Variants in SYNC observed in about 807,000 individuals in gnomAD.
SYNC encodes the protein syncoilin.
In SYNC, 38 loss-of-function variants were observed where a neutral mutation model predicts 49.5. The ratio of observed to expected loss-of-function variants is 0.77; its 90% CI spans 0.59 to 1.01. SYNC has a LOEUF of 1.01. Among genes scored for constraint, SYNC ranks in the 50% least tolerant of loss-of-function variants. The pLI is 0.00. For missense variants in SYNC, 579 were observed against 580.6 expected, an observed-to-expected ratio of 1.00 and a Z score of 0.03; for synonymous variants, 201 against 230.8, an observed-to-expected ratio of 0.87 and a Z score of 1.17.
rs141516125 is a variant in SYNC, at chr1:32,702,584, G to C, written c.53+24C>G. The C allele has an allele frequency of 2.7e-3, 3,226 of 1,216,674 alleles. 49 individuals are homozygous for C. The East Asian group carries it at 0.037, about 14-fold the overall frequency. 75.4% of individuals were successfully genotyped at this position (1,216,674 alleles called of 1,614,324 possible). ...AGCACCCCTTCCCCAGCGGGGCGGC[G>C]ACGCGGGCCCGGCACTGTCCTACCT... On this transcript the variant is annotated intron_variant, in intron 1 of 4. Coordinates refer to ENST00000409190, the MANE Select transcript of SYNC (RefSeq NM_030786.3). The surrounding 1 kb of genome is among the most constrained non-coding windows in gnomAD (Gnocchi z 6.2).
Position 32,684,551 on chromosome 1 carries a change from G to GA in SYNC, c.1234-170dup, listed in dbSNP as rs983248677. On this transcript the variant is annotated intron_variant, in intron 2 of 4. Coordinates refer to ENST00000409190, the MANE Select transcript of SYNC (RefSeq NM_030786.3). ...ACAGGTTCAAAGAAGTTGTGTCTTGGAAAAAAAGTGACAATGCTTTTGAAA... is the reference window on the plus strand; with the variant it reads ...ACAGGTTCAAAGAAGTTGTGTCTTGGAAAAAAAAGTGACAATGCTTTTGAAA... 108 of 943,900 alleles carry GA rather than the reference G, an allele frequency of 1.1e-4. No homozygotes were observed. The African/African-American group carries it at 1.3e-3, about 12-fold the overall frequency. The allele number at this position is 943,900 out of a possible 1,614,324, so 58.5% of individuals were successfully genotyped here.
chr1:32,692,388 CTT>C (rs35230224), intron 2 of SYNC, among the ~76,000 whole-genome samples: 1 of 152,126 alleles, frequency 6.6e-6, no homozygotes, highest in Non-Finnish European at 1.5e-5. Flanking sequence ...AAATAAATGA[CTT>C]TTCACTAGAC....
At chr1:32,701,891 C>T (rs1305553688) in intron 1 of SYNC, among the ~76,000 whole-genome samples, 2 of 152,184 alleles carry the variant, frequency 1.3e-5, no homozygotes, top group African/African-American at 4.8e-5. Context: ...GTGTGGACAG[C>T]AGTATGGGTG....
At chr1:32,702,804 G>C (rs978418609), upstream of SYNC, 6 of 638,624 alleles carry the variant, frequency 9.4e-6, no homozygotes, top group African/African-American at 7.9e-5. This position sits in a 1 kb window ranked among gnomAD's most constrained non-coding sequence, Gnocchi z 6.2. Context: ...CCACTTGGCC[G>C]GGGCTCCTGC....
chr1:32,692,416 T>A (rs1017475256), intron 2 of SYNC, among the ~76,000 whole-genome samples: 3 of 152,102 alleles, frequency 2.0e-5, no homozygotes, highest in Admixed American at 6.6e-5. Flanking sequence ...ACCAATTTTT[T>A]AAAAAATAGG....
intron 2 of SYNC, among the ~76,000 whole-genome samples, chr1:32,693,374 C>T (rs930577176): frequency 5.9e-5 from 9 of 152,160 alleles, no homozygotes; most frequent in African/African-American, 2.4e-5. Context: ...CGTGAGCCAC[C>T]GCTCCCAGAC....
At chr1:32,688,357 A>G (rs1649993984) in intron 2 of SYNC, among the ~76,000 whole-genome samples, 1 of 152,256 alleles carries the variant, frequency 6.6e-6, no homozygotes, top group South Asian at 2.1e-4. Context: ...AAGAACTTCA[A>G]GTACATACTA....
upstream of SYNC, chr1:32,703,002 G>A (rs966622407): frequency 2.6e-5 from 4 of 154,210 alleles, no homozygotes; most frequent in African/African-American, 9.6e-5. Flanking sequence ...AGTCAGAAGG[G>A]GGGTCTGAAG....
chr1:32,698,965 A>C (rs1314532605), intron 1 of SYNC, among the ~76,000 whole-genome samples: 1 of 150,896 alleles, frequency 6.6e-6, no homozygotes, highest in Non-Finnish European at 1.5e-5. Context: ...CTTTTTGTAG[A>C]GATGAAGTCT....
At chr1:32,693,067 T>G (rs965054617) in intron 2 of SYNC, among the ~76,000 whole-genome samples, 31 of 135,700 alleles carry the variant, frequency 2.3e-4, no homozygotes, top group Non-Finnish European at 3.1e-4. Context: ...AACCACAGTG[T>G]TTTTTTTTTG....
rs1209342528 is a variant in SYNC at position 32,696,030 on chromosome 1, T to C, written c.68A>G (p.Glu23Gly). ...GTTCTTTGGAAGAGGAGAATTGGCC[T>C]CTACTCTTGTTTTCCTGCAAAAGAA... ...AAQAARKTRVEANSPLPKNSG... is the reference protein window; with the variant it reads ...AAQAARKTRVGANSPLPKNSG... Residue 23 changes from glutamate to glycine, a missense_variant, in exon 2 of 5, where the codon GAG becomes GGG. Glu to Gly is a moderately conservative substitution (Grantham distance 98, BLOSUM62 -2). Coordinates refer to ENST00000409190, the MANE Select transcript of SYNC (RefSeq NM_030786.3). 6.5e-7 allele frequency: 1 copy of C among 1,535,062 alleles called. No homozygotes were observed. The highest frequency in any genetic ancestry group is 1.2e-5 in the South Asian group (1 of 83,918).
rs1183625402 is a variant in SYNC, at chr1:32,691,211, CCTT to C, written c.1233+3651_1233+3653del. On this transcript the variant is annotated intron_variant, in intron 2 of 4. Transcript: ENST00000409190. ...CCAGCCTGGGTGACAGAGCGAGACT[CCTT>C]CTCAAAAAACAAAAAAAAACAACAA... 4.1e-5 allele frequency among the ~76,000 whole-genome samples: 6 copies of C among 146,352 alleles called. No individual in the cohort carries two copies. In the East Asian group the frequency reaches 6.4e-4, roughly 16 times the overall value.
Position 32,695,749 on chromosome 1 carries a change from G to C in SYNC, c.349C>G (p.Arg117Gly). 1 of 1,551,476 alleles carries C rather than the reference G, an allele frequency of 6.4e-7. No individual in the cohort carries two copies. Among genetic ancestry groups the C allele is most frequent in the South Asian group, 1.2e-5 (1 of 84,036 alleles). The change falls in exon 2 of 5, where the codon CGG (arginine) becomes GGG (glycine). Residue 117 changes from arginine (R) to glycine (G), a missense_variant. Transcript: ENST00000409190. ...ACGGGCCCCTCCACAAACTGTATCC[G>C]ATCTGGCTCCGTGGTTTCCTCCACA... is the stretch of plus-strand genomic sequence containing the variant. ...VCVEETTEPD[R>G]IQFVEGPVEP...
Position 32,681,698 on chromosome 1 carries a change from G to A in SYNC, c.*152C>T, listed in dbSNP as rs1649447150. The A allele has an allele frequency of 8.3e-7, 1 of 1,198,434 alleles. No homozygotes were observed. The highest frequency in any genetic ancestry group is 1.5e-5 in the African/African-American group (1 of 65,948). 74.2% of individuals were successfully genotyped at this position (1,198,434 alleles called of 1,614,324 possible). A position where few individuals can be genotyped will look rare whatever the true frequency, so the allele number is the denominator to read the frequency against. ...CCAACTCTAGAATCTTTTTAAGCAG[G>A]TCAGCCAGTATTTGCAACTTCCACA... On this transcript the variant is annotated 3_prime_UTR_variant, in exon 5 of 5. Coordinates refer to ENST00000409190, the MANE Select transcript of SYNC (RefSeq NM_030786.3).
Position 32,702,628 on chromosome 1 carries a change from G to A in SYNC, c.33C>T (p.Asp11=), listed in dbSNP as rs1244605029. The A allele has an allele frequency of 1.3e-5, 16 of 1,216,554 alleles. No individual in the cohort carries two copies. The highest frequency in any genetic ancestry group is 1.6e-5 in the African/African-American group (1 of 63,388). The allele number at this position is 1,216,554 out of a possible 1,614,324, so 75.4% of individuals were successfully genotyped here. Residue 11 remains aspartate, a synonymous_variant, in exon 1 of 5, where the codon GAC becomes GAT. Transcript: ENST00000409190. This position sits in a 1 kb window ranked among gnomAD's most constrained non-coding sequence, Gnocchi z 6.2. ...CCTACCTCGCGGCCTGGGCGGCGCC[G>A]TCCCCGCCGCGCCGGGGCTCCGGGC... is the stretch of plus-strand genomic sequence containing the variant. MASPEPRRGG[D]GAAQAARKTR...
At chr1:32,688,310 C>G (rs1649990609) in intron 2 of SYNC, among the ~76,000 whole-genome samples, 1 of 152,116 alleles carries the variant, frequency 6.6e-6, no homozygotes, top group African/African-American at 2.4e-5. Context: ...ATACCTAACT[C>G]ATAGAGATGT....
Position 32,684,326 on chromosome 1 carries a change from G to A in SYNC, c.1290C>T (p.Leu430=). The change falls in exon 3 of 5, where the codon CTC becomes CTT. Residue 430 remains leucine (L), a synonymous_variant. Transcript: ENST00000409190. ...CCATCTCTTTGTTCTTCTGTTGCTGGAGTTGCACCCCATTTCTTAACTGCC... is the reference window on the plus strand; with the variant it reads ...CCATCTCTTTGTTCTTCTGTTGCTGAAGTTGCACCCCATTTCTTAACTGCC... ...RQRQLRNGVQ[L]QQQKNKEMEQ... 6.2e-7 allele frequency: 1 copy of A among 1,614,120 alleles called. No homozygotes were observed. The highest frequency in any genetic ancestry group is 8.5e-7 in the Non-Finnish European group (1 of 1,180,018).
At chr1:32,694,489 C>T (rs775013591) in intron 2 of SYNC, among the ~76,000 whole-genome samples, 24 of 151,888 alleles carry the variant, frequency 1.6e-4, no homozygotes, top group Non-Finnish European at 2.8e-4. Context: ...CCCGACTCTA[C>T]TAAAAATACA....
chr1:32,682,267 T>C (rs1238162123), intron 4 of SYNC: 1 of 175,162 alleles, frequency 5.7e-6, no homozygotes. Flanking sequence ...TATAAGAAAA[T>C]CCTCAAGGCT....
Sources: allele counts gnomAD v4.1 joint callset (sites outside exome capture counted in the v4.1 genomes callset), GRCh38; gene constraint gnomAD v4.1.1; non-coding constraint Gnocchi (gnomAD v3.1); transcripts MANE v1.5; gene names NCBI Gene and HGNC (gene_info 2026-07-23, HGNC 2026-07-21).